SLC44A5: variants seen among roughly 807,000 people sequenced by gnomAD.
The protein encoded by SLC44A5 is solute carrier family 44 member 5.
SLC44A5 carries 57 observed loss-of-function variants against 101.8 expected under a neutral mutation model. The observed-to-expected ratio is 0.56, with a 90% CI of 0.45 to 0.70. The LOEUF is 0.70. Among genes scored for constraint, SLC44A5 ranks in the 30% least tolerant of loss-of-function variants. The pLI is 0.00. For synonymous variants in SLC44A5, 281 were observed against 290.9 expected (o/e 0.97, Z 0.35); for missense variants, 737 against 853.1 (o/e 0.86, Z 1.70).
the SLC44A5 span, among the ~76,000 whole-genome samples, chr1:75,649,804 T>C: frequency 6.6e-6 from 1 of 152,150 alleles, no homozygotes. Context: ...CTTAGGAATC[T>C]CACCTATTCT....
the SLC44A5 span, among the ~76,000 whole-genome samples, chr1:75,669,362 C>T: frequency 5.3e-5 from 8 of 152,192 alleles, no homozygotes; most frequent in African/African-American, 1.9e-4. Flanking sequence ...ACTCCCTCTA[C>T]ATCTAGTCTC....
chr1:75,677,869 G>A, the SLC44A5 span: 5 of 347,670 alleles, frequency 1.4e-5, no homozygotes, highest in African/African-American at 1.1e-4. Context: ...TCTCACTAGG[G>A]AGTGCCAGAC....
At chr1:75,350,754 C>T (rs1233090266) in intron 3 of SLC44A5, among the ~76,000 whole-genome samples, 1 of 151,380 alleles carries the variant, frequency 6.6e-6, no homozygotes, top group East Asian at 2.0e-4. Context: ...ATGAGCCAGG[C>T]ATGGTAGCAT....
intron 3 of SLC44A5, among the ~76,000 whole-genome samples, chr1:75,394,069 GC>G (rs1478630630): frequency 6.6e-6 from 1 of 152,132 alleles, no homozygotes; most frequent in Non-Finnish European, 1.5e-5. Context: ...CAGAGAAAAT[GC>G]ATCCTGGGGG....
At chr1:75,679,429 C>A in the SLC44A5 span, among the ~76,000 whole-genome samples, 3 of 152,168 alleles carry the variant, frequency 2.0e-5, no homozygotes, top group East Asian at 1.9e-4. Flanking sequence ...AGAACCCCTA[C>A]AAGCCAGAAG....
At chr1:75,216,314 G>A (rs1646961213) in intron 18 of SLC44A5, among the ~76,000 whole-genome samples, 1 of 151,926 alleles carries the variant, frequency 6.6e-6, no homozygotes, top group Non-Finnish European at 1.5e-5. Context: ...ATTTGATTGT[G>A]TGTACATAAC....
intron 4 of SLC44A5, among the ~76,000 whole-genome samples, chr1:75,336,886 C>G (rs1490410831): frequency 6.6e-6 from 1 of 152,130 alleles, no homozygotes; most frequent in Non-Finnish European, 1.5e-5. Flanking sequence ...CCTAGTAATG[C>G]AAATAGCGCA....
the SLC44A5 span, among the ~76,000 whole-genome samples, chr1:75,619,569 C>A: frequency 1.3e-5 from 2 of 151,952 alleles, no homozygotes; most frequent in African/African-American, 2.4e-5. Flanking sequence ...AACAAAAACA[C>A]AAACACAAAA....
chr1:75,258,158 C>T (rs1570489911), intron 6 of SLC44A5, among the ~76,000 whole-genome samples: 2 of 152,020 alleles, frequency 1.3e-5, no homozygotes, highest in South Asian at 4.1e-4. Flanking sequence ...TTTTTTCATA[C>T]CCCAGTGGCG....
chr1:75,429,388 T>C (rs1664484993), intron 2 of SLC44A5, among the ~76,000 whole-genome samples: 1 of 152,184 alleles, frequency 6.6e-6, no homozygotes, highest in Non-Finnish European at 1.5e-5. Flanking sequence ...TATATCTGGA[T>C]CCTCACTATC....
At chr1:75,641,764 G>T in the SLC44A5 span, 3 of 1,576,668 alleles carry the variant, frequency 1.9e-6, no homozygotes, top group Non-Finnish European at 2.6e-6. Flanking sequence ...CAACCACTTT[G>T]TCCAGTGGAA....
intron 6 of SLC44A5, among the ~76,000 whole-genome samples, chr1:75,253,741 T>C (rs893359275): frequency 8.5e-5 from 13 of 152,176 alleles, no homozygotes; most frequent in African/African-American, 3.1e-4. Context: ...TAAAATTGAT[T>C]TATAAACTGC....
chr1:75,287,956 T>TAGGTATAGGTATAGGTATAG (rs1653207733), intron 5 of SLC44A5, among the ~76,000 whole-genome samples: 4 of 152,168 alleles, frequency 2.6e-5, no homozygotes, highest in African/African-American at 4.8e-5. Context: ...CAAGACAGCA[T>TAGGTATAGGTATAGGTATAG]GTATAGGAAG....
At chr1:75,332,325 A>G (rs1486999539) in intron 4 of SLC44A5, among the ~76,000 whole-genome samples, 1 of 152,202 alleles carries the variant, frequency 6.6e-6, no homozygotes, top group Admixed American at 6.5e-5. Flanking sequence ...TGAGTCAAAA[A>G]TTTCTTTAGG....
At chr1:75,604,579 G>A (rs1269142280) in intron 1 of SLC44A5, among the ~76,000 whole-genome samples, 1 of 152,042 alleles carries the variant, frequency 6.6e-6, no homozygotes, top group African/African-American at 2.4e-5. Flanking sequence ...TAGCTTCATA[G>A]AAATAGCATT....
intron 1 of SLC44A5, among the ~76,000 whole-genome samples, chr1:75,592,156 A>G (rs1674391026): frequency 1.3e-5 from 2 of 152,274 alleles, no homozygotes; most frequent in Admixed American, 1.3e-4. Context: ...GAAAACTATT[A>G]GAGCTGATAA....
chr1:75,270,297 A>G (rs1651360845), intron 6 of SLC44A5, among the ~76,000 whole-genome samples: 1 of 152,128 alleles, frequency 6.6e-6, no homozygotes, highest in Non-Finnish European at 1.5e-5. Context: ...AAAATTTTAA[A>G]TTAATACACA....
chr1:75,480,478 T>A (rs886275661), intron 2 of SLC44A5, among the ~76,000 whole-genome samples: 2 of 152,210 alleles, frequency 1.3e-5, no homozygotes, highest in Non-Finnish European at 2.9e-5. Flanking sequence ...TGTTTGCAGA[T>A]GACATGATTG....
the SLC44A5 span, among the ~76,000 whole-genome samples, chr1:75,680,494 C>G: frequency 6.6e-6 from 1 of 151,308 alleles, no homozygotes; most frequent in African/African-American, 2.4e-5. Flanking sequence ...AACTGAACAA[C>G]CTGCTCCTGA....
Sources: gnomAD v4.1 joint callset for allele counts (sites outside exome capture counted in the v4.1 genomes callset) on GRCh38, gnomAD v4.1.1 for gene constraint, MANE v1.5 for transcripts, NCBI Gene and HGNC (gene_info 2026-07-23, HGNC 2026-07-21) for gene names.